EHBP1L1: variants seen among roughly 807,000 people sequenced by gnomAD.
The protein encoded by EHBP1L1 is EH domain-binding protein 1-like protein 1.
In EHBP1L1, 122 loss-of-function variants were observed where a neutral mutation model predicts 151.1. That is an observed-to-expected ratio of 0.81 (90% CI 0.70 to 0.94). The LOEUF is 0.94. Ranked by LOEUF, EHBP1L1 falls within the 40% of genes least tolerant of loss-of-function variation. The probability of loss-of-function intolerance (pLI) is 0.00; values close to 1 mark genes in which losing one functional copy is unlikely to be tolerated. For missense variants in EHBP1L1, 1,941 were observed against 1,959.8 expected (o/e 0.99, Z 0.18); for synonymous variants, 878 against 810.1 (o/e 1.08, Z -1.42).
Position 65,583,572 on chromosome 11 carries a change from A to G in EHBP1L1, c.2900A>G (p.Asn967Ser), listed in dbSNP as rs753993151. The G allele has an allele frequency of 6.0e-5, 96 of 1,607,402 alleles. 3 individuals are homozygous for G. The South Asian group carries it at 9.5e-4, about 16-fold the overall frequency. ...AEMKVLESPE[N>S]KSGTFKAQEA... The stretch of plus-strand genomic sequence containing the variant: ...ATGAAGGTTTTAGAGTCTCCAGAGA[A>G]CAAATCTGGTACTTTTAAGGCCCAG... Residue 967 changes from asparagine (N) to serine (S), a missense_variant, in exon 9 of 19, where the codon AAC (asparagine) becomes AGC (serine). Asn to Ser is a conservative substitution (Grantham distance 46, BLOSUM62 1). Transcript: ENST00000309295.
rs533067150 is a variant in EHBP1L1 at position 65,582,944 on chromosome 11, C to T, written c.2272C>T (p.Leu758Phe). ...ILVAQEIEVGLLGVLGIETGA... is the reference protein window; with the variant it reads ...ILVAQEIEVGFLGVLGIETGA... ...GGTAGCCCAGGAGATAGAGGTGGGA[C>T]TTTTGGGGGTTCTGGGAATAGAGAC... The change falls in exon 9 of 19, where the codon CTT becomes TTT. Residue 758 changes from leucine (L) to phenylalanine (F), a missense_variant. Coordinates refer to ENST00000309295, the MANE Select transcript of EHBP1L1 (RefSeq NM_001099409.3). The T allele has an allele frequency of 5.6e-6, 9 of 1,612,892 alleles. No homozygotes were observed. In the South Asian group the frequency reaches 9.9e-5, roughly 18 times the overall value.
chr11:65,581,655 C>G lies in EHBP1L1; in HGVS notation c.983C>G (p.Ser328Ter). Reference sequence around the variant, plus strand: ...GGGGAAGATGAGGTCCCCAAAGCCTCAGGGGCTCCTCCAGCAGGATTGGGC... The same window carrying G: ...GGGGAAGATGAGGTCCCCAAAGCCTGAGGGGCTCCTCCAGCAGGATTGGGC... The part of the protein sequence containing the change: ...PQGEDEVPKA[S>*]GAPPAGLGSA... Residue 328 changes from serine to a stop codon, truncating the protein, a stop_gained, in exon 9 of 19, where the codon TCA (serine) becomes TGA (stop). Coordinates refer to ENST00000309295, the MANE Select transcript of EHBP1L1 (RefSeq NM_001099409.3). LOFTEE classifies it high-confidence loss of function. The G allele has an allele frequency of 6.4e-7, 1 of 1,561,458 alleles. No homozygotes were observed. Among genetic ancestry groups the G allele is most frequent in the South Asian group, 1.2e-5 (1 of 85,072 alleles).
chr11:65,582,227 G>A lies in EHBP1L1; in HGVS notation c.1555G>A (p.Glu519Lys). Residue 519 changes from glutamate to lysine, a missense_variant, in exon 9 of 19, where the codon GAG becomes AAG. Physicochemically the swap from Glu to Lys is moderately conservative, Grantham distance 56. Coordinates refer to ENST00000309295, the MANE Select transcript of EHBP1L1 (RefSeq NM_001099409.3). The part of the protein sequence containing the change: ...AEVRGGAPGI[E>K]GTGLEQGPSV... ...AGTGAGGGGTGGAGCACCTGGTATTGAGGGGACAGGCCTGGAGCAGGGCCC... is the reference window on the plus strand; with the variant it reads ...AGTGAGGGGTGGAGCACCTGGTATTAAGGGGACAGGCCTGGAGCAGGGCCC... 1.3e-6 allele frequency: 2 copies of A among 1,530,648 alleles called. No individual in the cohort carries two copies. Among genetic ancestry groups the A allele is most frequent in the Non-Finnish European group, 1.7e-6 (2 of 1,143,184 alleles). The allele number at this position is 1,530,648 out of a possible 1,614,324, so 94.8% of individuals were successfully genotyped here.
Position 65,579,333 on chromosome 11 carries a change from C to A in EHBP1L1, c.163-8C>A. On this transcript the variant is annotated splice_polypyrimidine_tract_variant and splice_region_variant and intron_variant, in intron 2 of 18. Transcript: ENST00000309295. ...AGATGGGGGGAGGACTCAGATTGTC[C>A]CTTGTAGGCCCACAGCTGGCAGCCG... 6.5e-7 allele frequency: 1 copy of A among 1,540,876 alleles called. No individual in the cohort carries two copies. Among genetic ancestry groups the A allele is most frequent in the South Asian group, 1.2e-5 (1 of 80,772 alleles).
Position 65,590,442 on chromosome 11 carries a change from C to T in EHBP1L1, c.4184-51C>T, listed in dbSNP as rs370489176. The T allele has an allele frequency of 1.3e-4, 214 of 1,596,556 alleles. 1 individual carries two copies. In the African/African-American group the frequency reaches 2.2e-3, roughly 17 times the overall value. On this transcript the variant is annotated intron_variant, in intron 15 of 18. Coordinates refer to ENST00000309295, the MANE Select transcript of EHBP1L1 (RefSeq NM_001099409.3). ...CCTCCCCCAACCCCCAGCTGCCCTACCCTGACACGGGGCAGGGGGCAGGCC... is the reference window on the plus strand; with the variant it reads ...CCTCCCCCAACCCCCAGCTGCCCTATCCTGACACGGGGCAGGGGGCAGGCC...
At position 65,591,806 on chromosome 11, in the gene EHBP1L1, G is replaced by A; in HGVS notation, c.4290G>A (p.Glu1430=). The change falls in exon 17 of 19, where the codon GAG becomes GAA. Residue 1430 remains glutamate (E), a synonymous_variant. Coordinates refer to ENST00000309295, the MANE Select transcript of EHBP1L1 (RefSeq NM_001099409.3). ...RRQDQLQLLM[E]EQDLERRFEL... is the part of the protein sequence containing the mutation. ...ACCCCCCGCCACCTTCCAGCATGGA[G>A]GAGCAGGACTTGGAGCGAAGGTTCG... 2 of 1,542,768 alleles carry A rather than the reference G, an allele frequency of 1.3e-6. No homozygotes were observed. The highest frequency in any genetic ancestry group is 8.7e-7 in the Non-Finnish European group (1 of 1,143,100).
Position 65,582,953 on chromosome 11 carries a change from G to A in EHBP1L1, c.2281G>A (p.Val761Ile), listed in dbSNP as rs933844210. 3 of 1,613,122 alleles carry A rather than the reference G, an allele frequency of 1.9e-6. No homozygotes were observed. Among genetic ancestry groups the A allele is most frequent in the East Asian group, 2.2e-5 (1 of 44,884 alleles). Residue 761 changes from valine to isoleucine, a missense_variant, in exon 9 of 19, where the codon GTT (valine) becomes ATT (isoleucine). By Grantham distance (29) the Val-to-Ile change is conservative (BLOSUM62 3). Coordinates refer to ENST00000309295, the MANE Select transcript of EHBP1L1 (RefSeq NM_001099409.3). The part of the protein sequence containing the change: ...AQEIEVGLLG[V>I]LGIETGAAEG... ...GGAGATAGAGGTGGGACTTTTGGGG[G>A]TTCTGGGAATAGAGACTGGGGCAGC...
intron 16 of EHBP1L1, 97 bp downstream of exon 16, chr11:65,590,689 C>G: frequency 9.5e-7 from 1 of 1,057,992 alleles, no homozygotes; most frequent in Non-Finnish European, 1.4e-6. Context: ...ATCTTTTTGA[C>G]AAACGATTCC....
At position 65,579,133 on chromosome 11, in the gene EHBP1L1, A is replaced by T; in HGVS notation, c.160A>T (p.Lys54Ter). The T allele has an allele frequency of 1.3e-6, 2 of 1,591,930 alleles. No homozygotes were observed. Among genetic ancestry groups the T allele is most frequent in the Non-Finnish European group, 1.7e-6 (2 of 1,169,242 alleles). The change falls in exon 2 of 19, where the codon AAG becomes TAG. Residue 54 changes from lysine (K) to a stop codon, truncating the protein, a stop_gained and splice_region_variant. Coordinates refer to ENST00000309295, the MANE Select transcript of EHBP1L1 (RefSeq NM_001099409.3). LOFTEE classifies it high-confidence loss of function. ...CCGTCGGAACCGACGCATCTGCTCCAAGGTGGGGAAGGATGGCAACTGGGG... is the reference window on the plus strand; with the variant it reads ...CCGTCGGAACCGACGCATCTGCTCCTAGGTGGGGAAGGATGGCAACTGGGG... Reference protein sequence around the residue: ...WTRRNRRICSKAHSWQPGIQN... With the variant: ...WTRRNRRICS
chr11:65,589,904 A>G, intron 13 of EHBP1L1, 32 bp from the exon 14 acceptor site: 2 of 1,537,536 alleles, frequency 1.3e-6, no homozygotes, highest in Non-Finnish European at 1.8e-6. Flanking sequence ...GGTGGTGGTT[A>G]GGGGGTGCCT....
At chr11:65,584,747 C>T (rs536008296) in intron 11 of EHBP1L1, 330 of 986,964 alleles carry the variant, frequency 3.3e-4, no homozygotes, top group Non-Finnish European at 4.4e-4. Flanking sequence ...TTTTCCAAAA[C>T]CACCCTTTGG....
rs1857876425 is a variant in EHBP1L1, at chr11:65,585,094, C to T, written c.3436C>T (p.Leu1146=). 2 of 1,531,264 alleles carry T rather than the reference C, an allele frequency of 1.3e-6. No homozygotes were observed. The highest frequency in any genetic ancestry group is 1.2e-5 in the South Asian group (1 of 83,416). 94.9% of individuals were successfully genotyped at this position (1,531,264 alleles called of 1,614,324 possible). A position where few individuals can be genotyped will look rare whatever the true frequency, so the allele number is the denominator to read the frequency against. ...QIRAFCTGQE[L]QLVQLEGGGG... ...CCGCGCCTTCTGCACCGGGCAGGAG[C>T]TGCAGCTGGTACAACTGGAGGGCGG... Residue 1146 remains leucine (L), a synonymous_variant, in exon 12 of 19, where the codon CTG becomes TTG. Transcript: ENST00000309295. The surrounding 1 kb of genome is among the most constrained non-coding windows in gnomAD (Gnocchi z 4.0).
intron 15 of EHBP1L1, 131 bp from the exon 16 acceptor site, chr11:65,590,362 G>T: frequency 6.7e-7 from 1 of 1,500,310 alleles, no homozygotes. Flanking sequence ...GCCCTGAAGT[G>T]GCTTCCTCGA....
Position 65,580,161 on chromosome 11 carries a change from C to T in EHBP1L1, c.393C>T (p.Val131=), listed in dbSNP as rs1857527674. 2 of 1,613,702 alleles carry T rather than the reference C, an allele frequency of 1.2e-6. No homozygotes were observed. Among genetic ancestry groups the T allele is most frequent in the Non-Finnish European group, 1.7e-6 (2 of 1,179,862 alleles). Residue 131 remains valine, a synonymous_variant, in exon 5 of 19, where the codon GTC becomes GTT. Transcript: ENST00000309295. ...ARHAGPVPVQ[V]PVRLRLKPKS... is the part of the protein sequence containing the mutation. ...ATGCAGGGCCCGTGCCTGTCCAAGT[C>T]CCAGTGAGGCTGCGGCTGAAGCCAA...
chr11:65,585,208 G>A lies in EHBP1L1; in HGVS notation c.3550G>A (p.Gly1184Ser). The change falls in exon 12 of 19, where the codon GGT (glycine) becomes AGT (serine). Residue 1184 changes from glycine to serine, a missense_variant. Transcript: ENST00000309295. The surrounding 1 kb of genome is among the most constrained non-coding windows in gnomAD (Gnocchi z 4.0). ...DAGGLAQRLR[G>S]HGAEGPQEPK... ...CGGAGGCCTGGCGCAGCGGCTGCGC[G>A]GTCACGGGGCCGAGGGGCCCCAGGA... 1 of 1,169,980 alleles carries A rather than the reference G, an allele frequency of 8.5e-7. No individual in the cohort carries two copies. The highest frequency in any genetic ancestry group is 2.9e-5 in the South Asian group (1 of 34,308). The allele number at this position is 1,169,980 out of a possible 1,614,324, so 72.5% of individuals were successfully genotyped here. A position where few individuals can be genotyped will look rare whatever the true frequency, so the allele number is the denominator to read the frequency against.
Position 65,591,972 on chromosome 11 carries a change from T to A in EHBP1L1, c.4358-4T>A. 6.2e-7 allele frequency: 1 copy of A among 1,610,850 alleles called. No individual in the cohort carries two copies. The highest frequency in any genetic ancestry group is 8.5e-7 in the Non-Finnish European group (1 of 1,177,746). On this transcript the variant is annotated splice_polypyrimidine_tract_variant and splice_region_variant and intron_variant, in intron 17 of 18. Transcript: ENST00000309295. ...TCCTGACGCTTAGCCGCTTCGACCC[T>A]CAGACTGGCAGAAAACGTCCGCTCA...
At chr11:65,588,106 C>T (rs1276283466) in intron 12 of EHBP1L1, among the ~76,000 whole-genome samples, 1 of 152,020 alleles carries the variant, frequency 6.6e-6, no homozygotes, top group African/African-American at 2.4e-5. Flanking sequence ...CAGCATCTGC[C>T]CAGCCTGGGG....
At position 65,584,351 on chromosome 11, in the gene EHBP1L1, C is replaced by T. The variant is rs533123747; in HGVS notation, c.3204C>T (p.Asn1068=). The T allele has an allele frequency of 6.3e-5, 102 of 1,609,648 alleles. No homozygotes were observed. The highest frequency in any genetic ancestry group is 5.8e-4 in the East Asian group (26 of 44,752). ...CCAACTTCACCACATCCTGGCGCAA[C>T]GGCTTGGCCTTCTGTGCCATCCTGC... ...RITNFTTSWR[N]GLAFCAILHR... is the part of the protein sequence containing the mutation. The change falls in exon 10 of 19, where the codon AAC becomes AAT. Residue 1068 remains asparagine (N), a synonymous_variant. Coordinates refer to ENST00000309295, the MANE Select transcript of EHBP1L1 (RefSeq NM_001099409.3).
rs778057435 is a variant in EHBP1L1 at position 65,581,373 on chromosome 11, G to A, written c.866G>A (p.Arg289Lys). 3.2e-6 allele frequency: 5 copies of A among 1,547,446 alleles called. No individual in the cohort carries two copies. The highest frequency in any genetic ancestry group is 3.5e-6 in the Non-Finnish European group (4 of 1,150,354). ...PRPPETSPEMRSSRQPAQDTA... is the reference protein window; with the variant it reads ...PRPPETSPEMKSSRQPAQDTA... The stretch of plus-strand genomic sequence containing the variant: ...CCCCCGGAAACCTCACCAGAGATGA[G>A]GTGAGCTTTGGAACCAGCCTCACCC... The change falls in exon 8 of 19, where the codon AGG (arginine) becomes AAG (lysine). Residue 289 changes from arginine to lysine, a missense_variant and splice_region_variant. Arg to Lys is a conservative substitution (Grantham distance 26). Coordinates refer to ENST00000309295, the MANE Select transcript of EHBP1L1 (RefSeq NM_001099409.3).
Sources: gnomAD v4.1 joint callset for allele counts (sites outside exome capture counted in the v4.1 genomes callset) on GRCh38, gnomAD v4.1.1 for gene constraint, Gnocchi (gnomAD v3.1) non-coding constraint, MANE v1.5 for transcripts, NCBI Gene and HGNC (gene_info 2026-07-23, HGNC 2026-07-21) for gene names.